SPATA9: variants seen among roughly 807,000 people sequenced by gnomAD.
The protein encoded by SPATA9 is spermatogenesis associated 9, also known as spermatogenesis-associated protein 9.
A neutral mutation model predicts 25.5 loss-of-function variants in SPATA9; 27 were observed. The observed-to-expected ratio is 1.06, with a 90% CI of 0.78 to 1.46. The LOEUF (loss-of-function observed/expected upper bound fraction) is 1.46, where lower values mean the gene tolerates loss of function less well. SPATA9 is among the 40% of genes most tolerant of loss of function. The probability of loss-of-function intolerance (pLI) is 0.00; values close to 1 mark genes in which losing one functional copy is unlikely to be tolerated. For synonymous variants in SPATA9, 102 were observed against 105.7 expected (o/e 0.97, Z 0.21); for missense variants, 282 against 297.5 (o/e 0.95, Z 0.38).
the SPATA9 span, among the ~76,000 whole-genome samples, chr5:95,710,716 T>G: frequency 6.6e-6 from 1 of 152,228 alleles, no homozygotes; most frequent in Non-Finnish European, 1.5e-5. Flanking sequence ...TTCTTCTGTG[T>G]CTGTCCAAAT....
chr5:95,702,064 A>C (rs1341415175), upstream of SPATA9, among the ~76,000 whole-genome samples: 1 of 152,176 alleles, frequency 6.6e-6, no homozygotes, highest in Non-Finnish European at 1.5e-5. Context: ...ATGATACCAA[A>C]ATTCTCTCAA....
the SPATA9 span, among the ~76,000 whole-genome samples, chr5:95,705,365 C>T: frequency 4.6e-5 from 7 of 152,050 alleles, no homozygotes; most frequent in South Asian, 2.1e-4. Flanking sequence ...GGAGGGGACA[C>T]CATAATTTAA....
intron 1 of SPATA9, among the ~76,000 whole-genome samples, chr5:95,697,729 G>A (rs1011277281): frequency 6.6e-6 from 1 of 152,132 alleles, no homozygotes; most frequent in Non-Finnish European, 1.5e-5. Flanking sequence ...TTTATCATTG[G>A]CAATAAACAC....
chr5:95,707,435 C>A, the SPATA9 span, among the ~76,000 whole-genome samples: 2 of 151,790 alleles, frequency 1.3e-5, no homozygotes, highest in Non-Finnish European at 2.9e-5. Flanking sequence ...AAAATTCTCT[C>A]GGCCCCGAGG....
chr5:95,700,255 C>T (rs1270786585), upstream of SPATA9, among the ~76,000 whole-genome samples: 2 of 151,920 alleles, frequency 1.3e-5, no homozygotes, highest in East Asian at 3.9e-4. Flanking sequence ...GTAGTGGGTG[C>T]CCATTTGCCC....
downstream of SPATA9, chr5:95,656,010 A>G (rs1580270424): frequency 1.9e-6 from 3 of 1,592,594 alleles, no homozygotes; most frequent in South Asian, 2.3e-5. Context: ...AACATTTGAC[A>G]TGTCAGAATA....
chr5:95,731,871 C>T, the SPATA9 span: 2 of 1,612,876 alleles, frequency 1.2e-6, no homozygotes, highest in South Asian at 1.1e-5. Flanking sequence ...CCATCCACAT[C>T]GTGGCGCTGG....
chr5:95,698,237 G>A (rs1422936476), intron 1 of SPATA9, among the ~76,000 whole-genome samples: 2 of 152,222 alleles, frequency 1.3e-5, no homozygotes, highest in African/African-American at 4.8e-5. Context: ...GATTGGCAGA[G>A]AGGAGGAAAC....
At chr5:95,703,948 C>T in the SPATA9 span, among the ~76,000 whole-genome samples, 2 of 152,070 alleles carry the variant, frequency 1.3e-5, no homozygotes, top group Non-Finnish European at 2.9e-5. Context: ...TTTTATACCA[C>T]AATCATCCCC....
At chr5:95,664,087 T>A (rs1414821929) in intron 3 of SPATA9, 39 bp from the exon 4 acceptor site, 3 of 1,237,036 alleles carry the variant, frequency 2.4e-6, no homozygotes, top group African/African-American at 1.5e-5. Flanking sequence ...AAACAAACAT[T>A]TTCAGTGTTT....
At chr5:95,729,247 T>C in the SPATA9 span, among the ~76,000 whole-genome samples, 1 of 152,326 alleles carries the variant, frequency 6.6e-6, no homozygotes, top group South Asian at 2.1e-4. Context: ...GAACTCTCTT[T>C]TGGAGTCAGG....
In SPATA9 at chr5:95,691,449, G is replaced by A. The variant is rs189591424; in HGVS notation, n.124+7139C>T. ...TTCTAGGATTTCTATGCTGTCTCACGGATCTATTTGTCTCCTTCTATGTCA... is the reference window on the plus strand; with the variant it reads ...TTCTAGGATTTCTATGCTGTCTCACAGATCTATTTGTCTCCTTCTATGTCA... On this transcript the variant is annotated intron_variant and non_coding_transcript_variant, in intron 1 of 2. Coordinates refer to the SPATA9 transcript ENST00000379990. Among the ~76,000 whole-genome samples, 286 of 152,058 alleles carry A rather than the reference G, an allele frequency of 1.9e-3. 4 individuals carry two copies. The highest frequency in any genetic ancestry group is 0.01 in the Middle Eastern group (3 of 294).
At chr5:95,700,188 T>C (rs1261919874), upstream of SPATA9, among the ~76,000 whole-genome samples, 11 of 152,352 alleles carry the variant, frequency 7.2e-5, no homozygotes, top group South Asian at 8.3e-4. Context: ...TATTTAATCA[T>C]GTCAATAAAG....
the SPATA9 span, among the ~76,000 whole-genome samples, chr5:95,729,475 T>C: frequency 1.3e-5 from 2 of 152,212 alleles, no homozygotes; most frequent in Non-Finnish European, 2.9e-5. Flanking sequence ...TATTTTTATA[T>C]TGTCATAAAA....
chr5:95,664,546 C>T (rs866486908), intron 3 of SPATA9, among the ~76,000 whole-genome samples: 3 of 152,164 alleles, frequency 2.0e-5, no homozygotes, highest in African/African-American at 7.2e-5. Context: ...GTTCTGTGCT[C>T]ATATGCAACA....
chr5:95,673,987 G>C (rs1484951000), intron 3 of SPATA9, among the ~76,000 whole-genome samples: 1 of 152,040 alleles, frequency 6.6e-6, no homozygotes, highest in South Asian at 2.1e-4. Flanking sequence ...GGATCCGCCC[G>C]CCTCAGCCTC....
At chr5:95,701,344 T>C (rs1197113609), upstream of SPATA9, 1 of 152,158 alleles carries the variant, frequency 6.6e-6, no homozygotes, top group African/African-American at 2.4e-5. Flanking sequence ...CCCACAGGAA[T>C]CTGCTTCTCC....
the SPATA9 span, among the ~76,000 whole-genome samples, chr5:95,710,494 G>C: frequency 6.6e-6 from 1 of 152,184 alleles, no homozygotes; most frequent in Non-Finnish European, 1.5e-5. Flanking sequence ...AGCTGCTACT[G>C]CTCGCAGGCA....
downstream of SPATA9, chr5:95,656,413 A>G: frequency 1.2e-6 from 1 of 839,862 alleles, no homozygotes; most frequent in South Asian, 1.8e-5. Context: ...CATAGGCACA[A>G]CTGTTTAAAA....
Sources: gnomAD v4.1 joint callset for allele counts (sites outside exome capture counted in the v4.1 genomes callset) on GRCh38, gnomAD v4.1.1 for gene constraint, MANE v1.5 for transcripts, NCBI Gene and HGNC (gene_info 2026-07-23, HGNC 2026-07-21) for gene names.